The following EGFR variants were observed in gnomAD, a reference collection of about 807,000 sequenced individuals.
The protein encoded by EGFR is epidermal growth factor receptor, also known as avian erythroblastic leukemia viral (v-erb-b) oncogene homolog.
EGFR carries 58 observed loss-of-function variants against 143.0 expected under a neutral mutation model. That is an observed-to-expected ratio of 0.41 (90% CI 0.33 to 0.50). The LOEUF (loss-of-function observed/expected upper bound fraction) is 0.50, where lower values mean the gene tolerates loss of function less well. Ranked by LOEUF, EGFR falls within the 20% of genes least tolerant of loss-of-function variation. EGFR has a pLI of 0.39. For synonymous variants in EGFR, 613 were observed against 594.4 expected (o/e 1.03, Z -0.45); for missense variants, 1,307 against 1,579.0 (o/e 0.83, Z 2.92).
At chr7:55,165,185 T>C (rs1297262343) in intron 14 of EGFR, 95 bp from the exon 15 acceptor site, 1 of 1,577,274 alleles carries the variant, frequency 6.3e-7, no homozygotes, top group Non-Finnish European at 8.7e-7. Flanking sequence ...CTTTCCCCAC[T>C]CACACACACT....
At chr7:55,153,146 G>A (rs1785242825) in intron 6 of EGFR, among the ~76,000 whole-genome samples, 1 of 152,190 alleles carries the variant, frequency 6.6e-6, no homozygotes, top group Non-Finnish European at 1.5e-5. Context: ...GCTGGGTTAG[G>A]GCCTCCTGAC....
At chr7:55,050,121 T>C (rs1172061536) in intron 1 of EGFR, among the ~76,000 whole-genome samples, 1 of 152,198 alleles carries the variant, frequency 6.6e-6, no homozygotes, top group Non-Finnish European at 1.5e-5. Context: ...TAATCATGTA[T>C]AAAAGTGGAG....
rs201790920 is a variant in EGFR, at chr7:55,155,982, C to T, written c.1006+36C>T. ...CGCCGGTGTGCGGACGAGGCTTGTT[C>T]TCGGCTGCTGAGGCTGGGCTCTCAT... On this transcript the variant is annotated intron_variant, in intron 8 of 27. Coordinates refer to ENST00000275493, the MANE Select transcript of EGFR (RefSeq NM_005228.5). The T allele has an allele frequency of 2.1e-5, 32 of 1,522,640 alleles. No homozygotes were observed. The East Asian group carries it at 7.1e-4, about 34-fold the overall frequency. The allele number at this position is 1,522,640 out of a possible 1,614,324, so 94.3% of individuals were successfully genotyped here.
At chr7:55,153,862 G>A in intron 6 of EGFR, 149 bp from the exon 7 acceptor site, 1 of 1,222,332 alleles carries the variant, frequency 8.2e-7, no homozygotes, top group Non-Finnish European at 1.2e-6. Context: ...GAGGGCGCCA[G>A]CTGGGTTTTC....
At chr7:55,037,896 T>A (rs1483619847) in intron 1 of EGFR, among the ~76,000 whole-genome samples, 2 of 151,588 alleles carry the variant, frequency 1.3e-5, no homozygotes. Flanking sequence ...AAGAAGGATA[T>A]TTGGCTACAT....
At chr7:55,039,659 G>T (rs936595081) in intron 1 of EGFR, among the ~76,000 whole-genome samples, 6 of 152,148 alleles carry the variant, frequency 3.9e-5, no homozygotes, top group African/African-American at 1.4e-4. Flanking sequence ...TAAAGGGAGT[G>T]AGAAGAGAAG....
At chr7:55,109,091 G>A (rs1208199222) in intron 1 of EGFR, among the ~76,000 whole-genome samples, 1 of 152,154 alleles carries the variant, frequency 6.6e-6, no homozygotes, top group African/African-American at 2.4e-5. Flanking sequence ...AGCAGAATGA[G>A]CAGCACAGTC....
chr7:55,040,716 G>A (rs964946427), intron 1 of EGFR, among the ~76,000 whole-genome samples: 5 of 152,032 alleles, frequency 3.3e-5, no homozygotes, highest in African/African-American at 1.2e-4. Context: ...AAAATCTCAG[G>A]TTAACATTAA....
chr7:55,033,670 C>T (rs547756085), intron 1 of EGFR, among the ~76,000 whole-genome samples: 2 of 152,300 alleles, frequency 1.3e-5, no homozygotes, highest in Admixed American at 1.3e-4. Context: ...TTGCCCCAGA[C>T]GTCCTTCCCG....
chr7:55,177,581 C>T (rs1465866845), intron 19 of EGFR, among the ~76,000 whole-genome samples: 1 of 152,222 alleles, frequency 6.6e-6, no homozygotes, highest in African/African-American at 2.4e-5. Context: ...TACACCTCTC[C>T]TTAAGGAGTT....
chr7:55,189,151 T>C (rs538112089), intron 20 of EGFR, among the ~76,000 whole-genome samples: 13 of 152,062 alleles, frequency 8.5e-5, no homozygotes, highest in African/African-American at 2.9e-4. Context: ...TATATATATA[T>C]ACACACATAT....
At chr7:55,179,024 A>G (rs1167922969) in intron 19 of EGFR, among the ~76,000 whole-genome samples, 1 of 152,222 alleles carries the variant, frequency 6.6e-6, no homozygotes, top group Non-Finnish European at 1.5e-5. Context: ...AGCACTTGCC[A>G]CGTACTTGCC....
At chr7:55,041,423 A>T (rs958382463) in intron 1 of EGFR, among the ~76,000 whole-genome samples, 30 of 152,144 alleles carry the variant, frequency 2.0e-4, no homozygotes, top group African/African-American at 6.8e-4. Context: ...AAAAAAAAGA[A>T]GTAAGAAGTT....
At chr7:55,098,640 T>C (rs1342824826) in intron 1 of EGFR, among the ~76,000 whole-genome samples, 3 of 152,350 alleles carry the variant, frequency 2.0e-5, no homozygotes, top group Admixed American at 2.0e-4. Context: ...TTTTTTCTGT[T>C]TGCTTATCTA....
chr7:55,187,705 G>A (rs1249678133), intron 20 of EGFR, among the ~76,000 whole-genome samples: 2 of 152,284 alleles, frequency 1.3e-5, no homozygotes, highest in East Asian at 1.9e-4. Flanking sequence ...AGACAGGAGC[G>A]GAGGCTTCTC....
rs1311326654 is a variant in EGFR at position 55,207,614 on chromosome 7, G to A, written c.*1997G>A. 1 of 161,804 alleles carries A rather than the reference G, an allele frequency of 6.2e-6. No individual in the cohort carries two copies. Among genetic ancestry groups the A allele is most frequent in the Non-Finnish European group, 1.4e-5 (1 of 73,618 alleles). The allele number at this position is 161,804 out of a possible 1,614,324, so 10.0% of individuals were successfully genotyped here. A position where few individuals can be genotyped will look rare whatever the true frequency, so the allele number is the denominator to read the frequency against. On this transcript the variant is annotated 3_prime_UTR_variant, in exon 28 of 28. Transcript: ENST00000275493. ...TGACCAGGTCTCAGTCAGCGGGGAGGTGGAAAGTGCAGGTGCATCAGGGGC... is the reference window on the plus strand; with the variant it reads ...TGACCAGGTCTCAGTCAGCGGGGAGATGGAAAGTGCAGGTGCATCAGGGGC...
At chr7:55,078,758 G>GAGATGCT (rs1423287663) in intron 1 of EGFR, among the ~76,000 whole-genome samples, 8 of 152,328 alleles carry the variant, frequency 5.3e-5, no homozygotes, top group East Asian at 1.9e-4. Flanking sequence ...GGGACATCCT[G>GAGATGCT]AGATGGTTTG....
At chr7:55,098,485 G>A (rs1160887094) in intron 1 of EGFR, among the ~76,000 whole-genome samples, 1 of 151,834 alleles carries the variant, frequency 6.6e-6, no homozygotes, top group Non-Finnish European at 1.5e-5. Flanking sequence ...TTTACTATAT[G>A]TTGTTAAATG....
chr7:55,094,985 C>T (rs951888079), intron 1 of EGFR, among the ~76,000 whole-genome samples: 2 of 152,194 alleles, frequency 1.3e-5, no homozygotes, highest in Non-Finnish European at 2.9e-5. Flanking sequence ...TCCCTGGCAC[C>T]GGCAGCCTTA....
Sources: gnomAD v4.1 joint callset for allele counts (sites outside exome capture counted in the v4.1 genomes callset) on GRCh38, gnomAD v4.1.1 for gene constraint, MANE v1.5 for transcripts, NCBI Gene and HGNC (gene_info 2026-07-23, HGNC 2026-07-21) for gene names.